The following NIF3L1 variants were observed in gnomAD, a reference collection of about 807,000 sequenced individuals.
NIF3L1 encodes the protein NIF3-like protein 1.
Under a neutral mutation model 35.0 loss-of-function variants are expected in NIF3L1, and 26 were observed. That is an observed-to-expected ratio of 0.74 (90% CI 0.54 to 1.03). The LOEUF (loss-of-function observed/expected upper bound fraction) is 1.03, where lower values mean the gene tolerates loss of function less well. NIF3L1 is among the 50% of genes least tolerant of loss of function. NIF3L1 has a pLI of 0.00. For synonymous variants in NIF3L1, 157 were observed against 178.9 expected (o/e 0.88, Z 0.98); for missense variants, 449 against 466.3 (o/e 0.96, Z 0.34).
At position 200,891,984 on chromosome 2, in the gene NIF3L1, G is replaced by T; in HGVS notation, c.41G>T (p.Arg14Leu). ...SCVRPVPTTV[R>L]FVDSLICNSS... is the part of the protein sequence containing the mutation. ...GTACGCCCAGTCCCCACGACAGTCC[G>T]GTTTGTAGATTCCCTGATCTGCAAT... Residue 14 changes from arginine to leucine, a missense_variant, in exon 2 of 7, where the codon CGG becomes CTG. Arg to Leu is a moderately radical substitution (Grantham distance 102, BLOSUM62 -2). Transcript: ENST00000409020. The T allele has an allele frequency of 6.2e-7, 1 of 1,613,984 alleles. No individual in the cohort carries two copies.
chr2:200,894,762 GAT>G (rs2040270018), intron 3 of NIF3L1, among the ~76,000 whole-genome samples: 1 of 142,338 alleles, frequency 7.0e-6, no homozygotes, highest in Admixed American at 7.5e-5. Context: ...AAAATAATAA[GAT>G]AGGGTCCTGC....
At chr2:200,901,607 A>G (rs1025457949) in intron 6 of NIF3L1, among the ~76,000 whole-genome samples, 9 of 152,144 alleles carry the variant, frequency 5.9e-5, no homozygotes, top group African/African-American at 1.9e-4. Flanking sequence ...GCTGAACTTC[A>G]TCACGCTTCC....
In NIF3L1 at chr2:200,903,394, C is replaced by T. The variant is rs141254451; in HGVS notation, c.950-100C>T. The T allele has an allele frequency of 5.4e-5, 50 of 921,626 alleles. No individual in the cohort carries two copies. In the Middle Eastern group the frequency reaches 1.5e-3, roughly 28 times the overall value. 57.1% of individuals were successfully genotyped at this position (921,626 alleles called of 1,614,324 possible). A position where few individuals can be genotyped will look rare whatever the true frequency, so the allele number is the denominator to read the frequency against. ...AAACAGTTCTGCTCTATTACATTCA[C>T]TTCATATAGACTACAAACTTGGTAT... is the stretch of plus-strand genomic sequence containing the variant. On this transcript the variant is annotated intron_variant, in intron 6 of 6. Coordinates refer to ENST00000409020, the MANE Select transcript of NIF3L1 (RefSeq NM_001369441.2).
At chr2:200,894,431 C>T (rs942840664) in intron 3 of NIF3L1, among the ~76,000 whole-genome samples, 1 of 151,902 alleles carries the variant, frequency 6.6e-6, no homozygotes, top group Non-Finnish European at 1.5e-5. Context: ...GACAGAGTCT[C>T]ACTCTGTTGC....
intron 5 of NIF3L1, among the ~76,000 whole-genome samples, chr2:200,897,421 T>A (rs117862473): frequency 2.0e-5 from 3 of 152,306 alleles, no homozygotes; most frequent in East Asian, 3.9e-4. Context: ...TCTGTCATGC[T>A]ATGTGTTCAT....
Position 200,903,410 on chromosome 2 carries a change from A to G in NIF3L1, c.950-84A>G, listed in dbSNP as rs1393086826. 7.4e-6 allele frequency: 8 copies of G among 1,087,064 alleles called. No individual in the cohort carries two copies. The East Asian group carries it at 1.6e-4, about 22-fold the overall frequency. The allele number at this position is 1,087,064 out of a possible 1,614,324, so 67.3% of individuals were successfully genotyped here. On this transcript the variant is annotated intron_variant, in intron 6 of 6. Transcript: ENST00000409020. ...TTACATTCACTTCATATAGACTACAAACTTGGTATTTCTGCTTTTGTGTTT... is the reference window on the plus strand; with the variant it reads ...TTACATTCACTTCATATAGACTACAGACTTGGTATTTCTGCTTTTGTGTTT...
chr2:200,899,308 G>A lies in NIF3L1; in HGVS notation c.866-77G>A, dbSNP rs368590690. The A allele has an allele frequency of 7.2e-6, 8 of 1,105,356 alleles. No homozygotes were observed. The African/African-American group carries it at 1.2e-4, about 17-fold the overall frequency. The allele number at this position is 1,105,356 out of a possible 1,614,324, so 68.5% of individuals were successfully genotyped here. Reference sequence around the variant, plus strand: ...GGAGTGAAATCTGTATTATGTTTAGGATTCTTGGTACAAATTATAATAGTA... The same window carrying A: ...GGAGTGAAATCTGTATTATGTTTAGAATTCTTGGTACAAATTATAATAGTA... On this transcript the variant is annotated intron_variant, in intron 5 of 6. Transcript: ENST00000409020.
At position 200,903,709 on chromosome 2, in the gene NIF3L1, A is replaced by T. The variant is rs367570891; in HGVS notation, c.*31A>T. 855 of 1,581,238 alleles carry T rather than the reference A, an allele frequency of 5.4e-4. No individual in the cohort carries two copies. Among genetic ancestry groups the T allele is most frequent in the Non-Finnish European group, 7.0e-4 (810 of 1,150,180 alleles). ...GAAACATCAGGATAACACATTCTAC[A>T]AATCAGCTGGATGCCAACTTAAATT... On this transcript the variant is annotated 3_prime_UTR_variant, in exon 7 of 7. Coordinates refer to ENST00000409020, the MANE Select transcript of NIF3L1 (RefSeq NM_001369441.2).
chr2:200,901,602 ACTT>A (rs1213615798), intron 6 of NIF3L1, among the ~76,000 whole-genome samples: 1 of 152,138 alleles, frequency 6.6e-6, no homozygotes, highest in Admixed American at 6.5e-5. Flanking sequence ...CCTCTGCTGA[ACTT>A]CATCACGCTT....
intron 1 of NIF3L1, chr2:200,890,726 C>T (rs1412701206): frequency 1.3e-5 from 2 of 152,120 alleles, no homozygotes; most frequent in African/African-American, 4.8e-5. Context: ...CCAACCTTTT[C>T]AGTTCCTTGT....
At chr2:200,891,873 G>A (rs1249238636) in intron 1 of NIF3L1, 45 bp from the exon 2 acceptor site, 2 of 1,207,136 alleles carry the variant, frequency 1.7e-6, no homozygotes, top group East Asian at 5.1e-5. Context: ...CAAAGATCCA[G>A]GCCTAAAGTA....
At chr2:200,892,975 A>G (rs2040231256) in intron 2 of NIF3L1, among the ~76,000 whole-genome samples, 1 of 152,228 alleles carries the variant, frequency 6.6e-6, no homozygotes, top group East Asian at 1.9e-4. Context: ...CTGAAAATGT[A>G]TGAATCAGTC....
intron 5 of NIF3L1, among the ~76,000 whole-genome samples, chr2:200,898,502 G>C (rs1218697243): frequency 6.6e-6 from 1 of 152,134 alleles, no homozygotes; most frequent in Non-Finnish European, 1.5e-5. Context: ...TTATATTCAA[G>C]GTGAGATTTG....
intron 4 of NIF3L1, among the ~76,000 whole-genome samples, chr2:200,895,843 C>T (rs2040299947): frequency 6.6e-6 from 1 of 151,990 alleles, no homozygotes; most frequent in Non-Finnish European, 1.5e-5. Flanking sequence ...TACTTTTTGG[C>T]TTAGAATGCT....
rs2040455260 is a variant in NIF3L1, at chr2:200,903,916, GTTTAC to G, written c.*241_*245del. On this transcript the variant is annotated 3_prime_UTR_variant, in exon 7 of 7. Coordinates refer to ENST00000409020, the MANE Select transcript of NIF3L1 (RefSeq NM_001369441.2). Reference sequence around the variant, plus strand: ...CTCTAGGAAAGATTGAATAAAATCTGTTTACTTAACATTCTTTGGAAGGAGCTCAA... The same window carrying G: ...CTCTAGGAAAGATTGAATAAAATCTGTTAACATTCTTTGGAAGGAGCTCAA... The G allele has an allele frequency of 3.9e-6, 2 of 512,302 alleles. No homozygotes were observed. Among genetic ancestry groups the G allele is most frequent in the African/African-American group, 3.9e-5 (2 of 51,920 alleles). 31.7% of individuals were successfully genotyped at this position (512,302 alleles called of 1,614,324 possible).
At chr2:200,903,330 TAAAAG>T (rs1350282341) in intron 6 of NIF3L1, among the ~76,000 whole-genome samples, 159 bp from the exon 7 acceptor site, 1 of 152,242 alleles carries the variant, frequency 6.6e-6, no homozygotes, top group Non-Finnish European at 1.5e-5. Context: ...TTGGAGGACA[TAAAAG>T]AAAACTGTAC....
chr2:200,903,741 A>G lies in NIF3L1; in HGVS notation c.*63A>G, dbSNP rs2040450248. 1 of 1,332,934 alleles carries G rather than the reference A, an allele frequency of 7.5e-7. No homozygotes were observed. Among genetic ancestry groups the G allele is most frequent in the Non-Finnish European group, 1.1e-6 (1 of 923,940 alleles). 82.6% of individuals were successfully genotyped at this position (1,332,934 alleles called of 1,614,324 possible). On this transcript the variant is annotated 3_prime_UTR_variant, in exon 7 of 7. Coordinates refer to ENST00000409020, the MANE Select transcript of NIF3L1 (RefSeq NM_001369441.2). ...CTGGATGCCAACTTAAATTTGTAACATGAGTCAGTGGGACTGGTGTGCTTC... is the reference window on the plus strand; with the variant it reads ...CTGGATGCCAACTTAAATTTGTAACGTGAGTCAGTGGGACTGGTGTGCTTC...
intron 1 of NIF3L1, chr2:200,891,590 AG>A (rs2040192840): frequency 4.9e-6 from 1 of 206,062 alleles, no homozygotes; most frequent in Non-Finnish European, 9.8e-6. Flanking sequence ...GGTTGAAGCA[AG>A]GGTAGGGAGA....
Position 200,893,361 on chromosome 2 carries a change from T to G in NIF3L1, c.552T>G (p.Ser184=), listed in dbSNP as rs781286405. Residue 184 remains serine, a synonymous_variant, in exon 3 of 7, where the codon TCT becomes TCG. Coordinates refer to ENST00000409020, the MANE Select transcript of NIF3L1 (RefSeq NM_001369441.2). The part of the protein sequence containing the change: ...NYTQDLDKVM[S]AVKGIDGVSV... ...CCCAAGACCTGGACAAAGTCATGTC[T>G]GCAGTGAAAGGAATTGACGGTGTTT... The G allele has an allele frequency of 1.2e-6, 2 of 1,614,104 alleles. No individual in the cohort carries two copies. The highest frequency in any genetic ancestry group is 1.1e-5 in the South Asian group (1 of 91,072).
Sources: allele counts gnomAD v4.1 joint callset (sites outside exome capture counted in the v4.1 genomes callset), GRCh38; gene constraint gnomAD v4.1.1; transcripts MANE v1.5; gene names NCBI Gene and HGNC (gene_info 2026-07-23, HGNC 2026-07-21).